Variants in LRFN5 observed in about 807,000 individuals in gnomAD.
The protein encoded by LRFN5 is leucine-rich repeat and fibronectin type-III domain-containing protein 5.
In LRFN5, 24 loss-of-function variants were observed where a neutral mutation model predicts 45.6. The ratio of observed to expected loss-of-function variants is 0.53; its 90% CI spans 0.38 to 0.74. LRFN5 has a LOEUF of 0.74. Among genes scored for constraint, LRFN5 ranks in the 30% least tolerant of loss-of-function variants. The pLI is 0.00. For synonymous variants in LRFN5, 340 were observed against 313.8 expected (o/e 1.08, Z -0.88); for missense variants, 776 against 861.5 (o/e 0.90, Z 1.24).
chr14:41,865,361 T>C (rs1455769429), intron 2 of LRFN5, among the ~76,000 whole-genome samples: 4 of 152,174 alleles, frequency 2.6e-5, no homozygotes, highest in African/African-American at 9.6e-5. Context: ...TTATGTAGCA[T>C]GATTTCAAGG....
chr14:41,854,826 A>T (rs1017487516), intron 2 of LRFN5, among the ~76,000 whole-genome samples: 1 of 152,174 alleles, frequency 6.6e-6, no homozygotes, highest in Non-Finnish European at 1.5e-5. Flanking sequence ...GAGCCTAATT[A>T]TCTTGTAGGT....
chr14:41,640,113 C>T (rs147024451), intron 1 of LRFN5, among the ~76,000 whole-genome samples: 7 of 151,738 alleles, frequency 4.6e-5, no homozygotes, highest in East Asian at 3.9e-4. Context: ...ATTCTTTAAT[C>T]GGGCCATACC....
intron 1 of LRFN5, among the ~76,000 whole-genome samples, chr14:41,684,310 C>G (rs1882027491): frequency 6.6e-6 from 1 of 152,002 alleles, no homozygotes; most frequent in South Asian, 2.1e-4. Context: ...CTGTAAAAGA[C>G]TGGATAATTT....
At chr14:41,645,677 T>G (rs1278257236) in intron 1 of LRFN5, among the ~76,000 whole-genome samples, 1 of 152,202 alleles carries the variant, frequency 6.6e-6, no homozygotes, top group Non-Finnish European at 1.5e-5. Flanking sequence ...TTGTTTCACC[T>G]CTTCATGGGT....
chr14:41,703,088 G>A (rs1424304020), intron 1 of LRFN5, among the ~76,000 whole-genome samples: 1 of 152,124 alleles, frequency 6.6e-6, no homozygotes, highest in African/African-American at 2.4e-5. Context: ...AATATTTTAA[G>A]ACTGCAGTGT....
At chr14:41,665,491 G>A (rs1429189563) in intron 1 of LRFN5, among the ~76,000 whole-genome samples, 1 of 151,928 alleles carries the variant, frequency 6.6e-6, no homozygotes, top group Non-Finnish European at 1.5e-5. Flanking sequence ...TTGATTGACA[G>A]CATTAATTGT....
intron 1 of LRFN5, among the ~76,000 whole-genome samples, chr14:41,621,596 G>A (rs957213641): frequency 5.3e-5 from 8 of 152,056 alleles, no homozygotes; most frequent in African/African-American, 1.7e-4. Context: ...TCTGTAACTC[G>A]CATTTAACAG....
intron 1 of LRFN5, among the ~76,000 whole-genome samples, chr14:41,688,575 C>G (rs997486094): frequency 4.0e-5 from 6 of 149,702 alleles, no homozygotes; most frequent in African/African-American, 1.5e-4. Flanking sequence ...TTGTGAAGTT[C>G]AAATACACAA....
chr14:41,816,051 A>T (rs886903441), intron 2 of LRFN5, among the ~76,000 whole-genome samples: 1 of 152,058 alleles, frequency 6.6e-6, no homozygotes, highest in Non-Finnish European at 1.5e-5. Flanking sequence ...TTCACAGAAC[A>T]CTGTACCAAC....
chr14:41,835,933 T>TAA (rs35558917), intron 2 of LRFN5, among the ~76,000 whole-genome samples: 28 of 146,462 alleles, frequency 1.9e-4, no homozygotes, highest in South Asian at 6.5e-4. Context: ...TCTTTTTTTT[T>TAA]AAAAAAAAAA....
chr14:41,698,615 T>C (rs1250742047), intron 1 of LRFN5, among the ~76,000 whole-genome samples: 1 of 152,086 alleles, frequency 6.6e-6, no homozygotes, highest in Non-Finnish European at 1.5e-5. Context: ...TGTAGGCACA[T>C]GGAAGAGAAC....
chr14:41,730,961 T>C (rs548593674), intron 1 of LRFN5, among the ~76,000 whole-genome samples: 57 of 152,008 alleles, frequency 3.7e-4, no homozygotes, highest in Non-Finnish European at 6.9e-4. Flanking sequence ...CCCAATGGAG[T>C]GGTCTATACA....
chr14:41,839,259 A>G (rs1344737968), intron 2 of LRFN5, among the ~76,000 whole-genome samples: 1 of 152,154 alleles, frequency 6.6e-6, no homozygotes, highest in Non-Finnish European at 1.5e-5. Context: ...AATTTACTGA[A>G]TACTTCAGCA....
intron 2 of LRFN5, among the ~76,000 whole-genome samples, chr14:41,829,109 A>G (rs751092425): frequency 6.6e-6 from 1 of 151,954 alleles, no homozygotes; most frequent in Non-Finnish European, 1.5e-5. Context: ...TCCTAGTTTC[A>G]CAATCCTAGA....
chr14:41,896,333 C>T (rs1282218261), intron 4 of LRFN5, among the ~76,000 whole-genome samples: 1 of 152,134 alleles, frequency 6.6e-6, no homozygotes, highest in East Asian at 1.9e-4. Context: ...TGTTCATTTA[C>T]ATTAGACAGA....
At chr14:41,793,167 A>G (rs891929253) in intron 2 of LRFN5, among the ~76,000 whole-genome samples, 2 of 152,060 alleles carry the variant, frequency 1.3e-5, no homozygotes, top group African/African-American at 4.8e-5. Flanking sequence ...AAAGAAAAAA[A>G]AAGTATTACT....
intron 1 of LRFN5, among the ~76,000 whole-genome samples, chr14:41,757,375 C>T (rs1302846275): frequency 6.6e-6 from 1 of 152,212 alleles, no homozygotes; most frequent in African/African-American, 2.4e-5. Context: ...CAGAGGCAGG[C>T]AGGCCTCCTT....
intron 1 of LRFN5, among the ~76,000 whole-genome samples, chr14:41,647,134 T>G (rs1233443597): frequency 1.3e-5 from 2 of 152,212 alleles, no homozygotes; most frequent in African/African-American, 4.8e-5. Flanking sequence ...TTGTTGGTGT[T>G]TAACCAATAG....
At chr14:41,822,111 A>G (rs1003877423) in intron 2 of LRFN5, among the ~76,000 whole-genome samples, 1 of 151,808 alleles carries the variant, frequency 6.6e-6, no homozygotes, top group Non-Finnish European at 1.5e-5. Context: ...TAAGTAACAT[A>G]CTTATCATTT....
Sources: allele counts gnomAD v4.1 joint callset (sites outside exome capture counted in the v4.1 genomes callset), GRCh38; gene constraint gnomAD v4.1.1; transcripts MANE v1.5; gene names NCBI Gene and HGNC (gene_info 2026-07-23, HGNC 2026-07-21).